Variants in STEAP3 observed in about 807,000 individuals in gnomAD.
The protein encoded by STEAP3 is STEAP3 metalloreductase.
Under a neutral mutation model 34.9 loss-of-function variants are expected in STEAP3, and 35 were observed. The observed-to-expected ratio is 1.00, with a 90% CI of 0.76 to 1.33. STEAP3 has a LOEUF of 1.33. STEAP3 is among the 40% of genes most tolerant of loss of function. The pLI, the probability that STEAP3 is intolerant of heterozygous loss-of-function variation, is 0.00. For missense variants in STEAP3, 652 were observed against 667.6 expected, an observed-to-expected ratio of 0.98 and a Z score of 0.26; for synonymous variants, 281 against 301.6, an observed-to-expected ratio of 0.93 and a Z score of 0.71.
chr2:119,234,373 T>G (rs1573542647), intron 2 of STEAP3, among the ~76,000 whole-genome samples: 1 of 152,206 alleles, frequency 6.6e-6, no homozygotes, highest in African/African-American at 2.4e-5. Context: ...CAGATTCAGC[T>G]GCCACTGCCT....
intron 1 of STEAP3, among the ~76,000 whole-genome samples, chr2:119,228,832 CA>C (rs1396618357): frequency 6.6e-6 from 1 of 152,058 alleles, no homozygotes; most frequent in Non-Finnish European, 1.5e-5. Flanking sequence ...TGAGGGAGCT[CA>C]GGGTAGAGCC....
intron 5 of STEAP3, among the ~76,000 whole-genome samples, chr2:119,258,864 C>T (rs1404194354): frequency 1.3e-5 from 2 of 151,052 alleles, no homozygotes; most frequent in Non-Finnish European, 2.9e-5. Context: ...CCTCATGATC[C>T]GCCTGCCTCG....
chr2:119,233,267 T>G (rs1197160008), intron 2 of STEAP3, among the ~76,000 whole-genome samples: 1 of 152,244 alleles, frequency 6.6e-6, no homozygotes, highest in Non-Finnish European at 1.5e-5. Context: ...TGCACCTCAA[T>G]GCACCTTAGA....
chr2:119,264,702 C>T lies in STEAP3; in HGVS notation c.*1364C>T, dbSNP rs563107125. 6.6e-6 allele frequency: 1 copy of T among 152,320 alleles called. No individual in the cohort carries two copies. Among genetic ancestry groups the T allele is most frequent in the African/African-American group, 2.4e-5 (1 of 41,544 alleles). 9.4% of individuals were successfully genotyped at this position (152,320 alleles called of 1,614,324 possible). A position where few individuals can be genotyped will look rare whatever the true frequency, so the allele number is the denominator to read the frequency against. ...TCTTTGAAGACAAAGAGGGTGAGGT[C>T]TTCATGAGTCTCCTGGGCCCAAAGC... On this transcript the variant is annotated 3_prime_UTR_variant, in exon 6 of 6. Transcript: ENST00000393110.
chr2:119,232,526 G>A (rs2104794903), intron 2 of STEAP3, among the ~76,000 whole-genome samples: 1 of 152,296 alleles, frequency 6.6e-6, no homozygotes, highest in South Asian at 2.1e-4. Context: ...GGGGAAGACG[G>A]AATTCATGCT....
At chr2:119,225,518 T>C (rs1006720074) in intron 1 of STEAP3, among the ~76,000 whole-genome samples, 1 of 152,226 alleles carries the variant, frequency 6.6e-6, no homozygotes. Flanking sequence ...GGATCACACA[T>C]GTTCCCTCTC....
rs1413818554 is a variant in STEAP3 at position 119,245,549 on chromosome 2, A to G, written c.83A>G (p.Asp28Gly). ...ATCAGCCTCCACCTGGTGGACAGCGATAGTAGCCTTGCCAAGGTCCCCGAT... is the reference window on the plus strand; with the variant it reads ...ATCAGCCTCCACCTGGTGGACAGCGGTAGTAGCCTTGCCAAGGTCCCCGAT... ...PLISLHLVDSDSSLAKVPDEA... is the reference protein window; with the variant it reads ...PLISLHLVDSGSSLAKVPDEA... The change falls in exon 3 of 6, where the codon GAT becomes GGT. Residue 28 changes from aspartate to glycine, a missense_variant. By Grantham distance (94) the Asp-to-Gly change is moderately conservative. Transcript: ENST00000393110. 6.2e-6 allele frequency: 10 copies of G among 1,603,008 alleles called. No homozygotes were observed. The highest frequency in any genetic ancestry group is 6.8e-6 in the Non-Finnish European group (8 of 1,171,056).
chr2:119,240,402 T>C (rs1677213280), intron 2 of STEAP3, among the ~76,000 whole-genome samples: 1 of 152,202 alleles, frequency 6.6e-6, no homozygotes, highest in South Asian at 2.1e-4. Context: ...CAGCCTCTGA[T>C]TGCCAGTGGC....
rs1438451571 is a variant in STEAP3, at chr2:119,248,082, T to C, written c.926T>C (p.Leu309Pro). Residue 309 changes from leucine to proline, a missense_variant, in exon 4 of 6, where the codon CTA (leucine) becomes CCA (proline). Coordinates refer to ENST00000393110, the MANE Select transcript of STEAP3 (RefSeq NM_182915.3). The part of the protein sequence containing the change: ...QRFPDWLDHW[L>P]QHRKQIGLLS... ...TTCCCCGACTGGCTGGACCACTGGC[T>C]ACAGCACCGCAAGCAGATCGGGCTG... The C allele has an allele frequency of 6.2e-7, 1 of 1,608,464 alleles. No homozygotes were observed. The highest frequency in any genetic ancestry group is 1.3e-5 in the African/African-American group (1 of 75,038).
chr2:119,259,345 TGG>T (rs1026042628), intron 5 of STEAP3, among the ~76,000 whole-genome samples: 1 of 152,216 alleles, frequency 6.6e-6, no homozygotes, highest in African/African-American at 2.4e-5. Context: ...TGGGCTTCTT[TGG>T]GTTCTGGGAT....
At chr2:119,245,356 G>A (rs1053903920) in intron 2 of STEAP3, 133 bp from the exon 3 acceptor site, 44 of 1,321,668 alleles carry the variant, frequency 3.3e-5, no homozygotes, top group South Asian at 1.0e-4. Flanking sequence ...GTGCTGACAC[G>A]TGGTAGCACT....
intron 2 of STEAP3, among the ~76,000 whole-genome samples, chr2:119,240,067 A>T (rs1677202742): frequency 6.6e-6 from 1 of 152,236 alleles, no homozygotes; most frequent in Non-Finnish European, 1.5e-5. Flanking sequence ...ACGTGATAGC[A>T]TGCGCCTGTA....
At chr2:119,229,511 T>G (rs1376080534) in intron 1 of STEAP3, among the ~76,000 whole-genome samples, 1 of 150,894 alleles carries the variant, frequency 6.6e-6, no homozygotes, top group African/African-American at 2.4e-5. Context: ...TGTTTAGGGG[T>G]TTCATATTCA....
intron 5 of STEAP3, among the ~76,000 whole-genome samples, chr2:119,256,656 A>AG (rs917434840): frequency 2.6e-5 from 4 of 152,310 alleles, no homozygotes; most frequent in Admixed American, 6.5e-5. Flanking sequence ...CTGCAAGAGC[A>AG]GGGGGGGTTA....
At chr2:119,236,290 C>T (rs1677092595) in intron 2 of STEAP3, among the ~76,000 whole-genome samples, 2 of 152,204 alleles carry the variant, frequency 1.3e-5, no homozygotes, top group Non-Finnish European at 2.9e-5. Context: ...ATCCTTGCCA[C>T]ACCTCATTAA....
chr2:119,254,557 A>T, intron 4 of STEAP3, 127 bp from the exon 5 acceptor site: 1 of 1,030,480 alleles, frequency 9.7e-7, no homozygotes, highest in Admixed American at 2.0e-5. Context: ...CGCTTATCAC[A>T]GAGCCAGGTA....
chr2:119,262,790 T>C (rs1042525632), intron 5 of STEAP3, among the ~76,000 whole-genome samples: 4 of 152,236 alleles, frequency 2.6e-5, no homozygotes, highest in Admixed American at 2.6e-4. Flanking sequence ...AGTTATTGTA[T>C]GGAATCCGTG....
At chr2:119,247,483 G>A (rs78133788) in intron 3 of STEAP3, among the ~76,000 whole-genome samples, 196 bp from the exon 4 acceptor site, 8,063 of 152,260 alleles carry the variant, frequency 0.053, 290 homozygotes, top group Middle Eastern at 0.1. Context: ...CCAGAGGCTG[G>A]GAGGCCTGGG....
chr2:119,230,953 G>T lies in STEAP3; in HGVS notation c.-60G>T. Reference sequence around the variant, plus strand: ...GTTGGAGACTGAGCCAGAAAGGGTGGCTCACCTCACGGTGAGGCTGTCGAG... The same window carrying T: ...GTTGGAGACTGAGCCAGAAAGGGTGTCTCACCTCACGGTGAGGCTGTCGAG... On this transcript the variant is annotated 5_prime_UTR_variant, in exon 2 of 6. Transcript: ENST00000393110. The T allele has an allele frequency of 6.2e-7, 1 of 1,608,044 alleles. No individual in the cohort carries two copies. The highest frequency in any genetic ancestry group is 2.2e-5 in the East Asian group (1 of 44,856).
Sources: allele counts gnomAD v4.1 joint callset (sites outside exome capture counted in the v4.1 genomes callset), GRCh38; gene constraint gnomAD v4.1.1; transcripts MANE v1.5; gene names NCBI Gene and HGNC (gene_info 2026-07-23, HGNC 2026-07-21).